PLS1: variants seen among roughly 807,000 people sequenced by gnomAD.
The protein encoded by PLS1 is plastin 1, also known as plastin-1.
PLS1 carries 32 observed loss-of-function variants against 73.7 expected under a neutral mutation model. The observed-to-expected ratio is 0.43, with a 90% CI of 0.33 to 0.58. PLS1 has a LOEUF of 0.58. Ranked by LOEUF, PLS1 falls within the 20% of genes least tolerant of loss-of-function variation. The probability of loss-of-function intolerance (pLI) is 0.04; values close to 1 mark genes in which losing one functional copy is unlikely to be tolerated. For synonymous variants in PLS1, 217 were observed against 261.3 expected, an observed-to-expected ratio of 0.83 and a Z score of 1.63; for missense variants, 633 against 740.5, an observed-to-expected ratio of 0.85 and a Z score of 1.68.
At chr3:142,643,859 C>T (rs562063262) in intron 1 of PLS1, among the ~76,000 whole-genome samples, 135 of 115,712 alleles carry the variant, frequency 1.2e-3, no homozygotes, top group African/African-American at 3.7e-3. Flanking sequence ...AATGGAGTTT[C>T]GCTCTTGTCA....
At chr3:142,637,162 A>G (rs1026556628) in intron 1 of PLS1, among the ~76,000 whole-genome samples, 3 of 152,204 alleles carry the variant, frequency 2.0e-5, no homozygotes, top group Non-Finnish European at 2.9e-5. Context: ...GAACAACCTA[A>G]GTGTCTTCAT....
chr3:142,599,321 TTC>T (rs1451813500), intron 1 of PLS1, among the ~76,000 whole-genome samples: 3 of 61,804 alleles, frequency 4.9e-5, no homozygotes, highest in African/African-American at 1.3e-4. Flanking sequence ...GACTCAGATA[TTC>T]TTTTTTTTTT....
chr3:142,680,710 A>T (rs2037834451), intron 6 of PLS1, among the ~76,000 whole-genome samples: 1 of 152,186 alleles, frequency 6.6e-6, no homozygotes, highest in South Asian at 2.1e-4. Flanking sequence ...ATTAATATTT[A>T]CTGAGTACTT....
chr3:142,641,480 T>C (rs1001919421), intron 1 of PLS1, among the ~76,000 whole-genome samples: 1 of 151,788 alleles, frequency 6.6e-6, no homozygotes, highest in Non-Finnish European at 1.5e-5. Context: ...TGTAATTTTC[T>C]TTTTAAACAT....
chr3:142,649,712 G>T (rs2108634393), intron 1 of PLS1, among the ~76,000 whole-genome samples: 1 of 151,536 alleles, frequency 6.6e-6, no homozygotes, highest in South Asian at 2.1e-4. Flanking sequence ...AGCAGTCATA[G>T]GTCTAGGTCT....
chr3:142,676,801 A>G (rs950972205), intron 5 of PLS1, among the ~76,000 whole-genome samples: 1 of 152,226 alleles, frequency 6.6e-6, no homozygotes, highest in Non-Finnish European at 1.5e-5. Flanking sequence ...CAGTCCCAGC[A>G]TACTTCTTTG....
chr3:142,656,213 T>C (rs146620110), intron 1 of PLS1, among the ~76,000 whole-genome samples: 6,716 of 152,198 alleles, frequency 0.044, 486 homozygotes, highest in African/African-American at 0.15. Flanking sequence ...CTGCCTGCCT[T>C]GGCCTCCCAA....
At chr3:142,678,005 A>C (rs762903207) in intron 5 of PLS1, 27 bp from the exon 6 acceptor site, 2 of 1,191,832 alleles carry the variant, frequency 1.7e-6, no homozygotes, top group Non-Finnish European at 2.4e-6. Flanking sequence ...GGAGTATTAA[A>C]CTAAATTATT....
At chr3:142,608,837 C>T (rs1270551728) in intron 1 of PLS1, among the ~76,000 whole-genome samples, 1 of 152,132 alleles carries the variant, frequency 6.6e-6, no homozygotes, top group Non-Finnish European at 1.5e-5. Flanking sequence ...TAATTCCTGC[C>T]ACATGTCTTC....
intron 1 of PLS1, among the ~76,000 whole-genome samples, chr3:142,630,288 G>A (rs2036526411): frequency 6.6e-6 from 1 of 151,790 alleles, no homozygotes; most frequent in African/African-American, 2.4e-5. Flanking sequence ...GGGCGTGGTG[G>A]CAGGTGCCTG....
chr3:142,689,557 T>C, intron 9 of PLS1, 61 bp from the exon 10 acceptor site: 4 of 933,800 alleles, frequency 4.3e-6, no homozygotes, highest in Non-Finnish European at 6.3e-6. Context: ...TAAACATGTA[T>C]ACCAATAAAA....
chr3:142,613,055 C>T (rs996943926), intron 1 of PLS1, among the ~76,000 whole-genome samples: 3 of 152,152 alleles, frequency 2.0e-5, no homozygotes, highest in African/African-American at 7.2e-5. Context: ...CGTGAGCCAC[C>T]GTGCCCGGCC....
chr3:142,632,031 A>G (rs1246900836), intron 1 of PLS1, among the ~76,000 whole-genome samples: 1 of 152,160 alleles, frequency 6.6e-6, no homozygotes, highest in Non-Finnish European at 1.5e-5. Flanking sequence ...ACTAAAAACA[A>G]CCTAATTAAA....
chr3:142,708,308 G>A (rs538733983), intron 14 of PLS1, among the ~76,000 whole-genome samples: 1 of 152,162 alleles, frequency 6.6e-6, no homozygotes, highest in South Asian at 2.1e-4. Flanking sequence ...GTGCAGTGGC[G>A]CGATCTCAGC....
At chr3:142,624,111 C>T (rs1577789448) in intron 1 of PLS1, among the ~76,000 whole-genome samples, 2 of 152,174 alleles carry the variant, frequency 1.3e-5, no homozygotes, top group East Asian at 1.9e-4. Flanking sequence ...AGAATATCTC[C>T]AGTACTAGGA....
rs560610365 is a variant in PLS1, at chr3:142,643,034, G to T, written c.-36-21168G>T. ...TTTTGTTATTTGCTGTCTTCCTATT[G>T]CCTCCCAAAAGAGTTGGATCTTTAG... is the stretch of plus-strand genomic sequence containing the variant. On this transcript the variant is annotated intron_variant, in intron 1 of 15. Transcript: ENST00000457734. Among the ~76,000 whole-genome samples, 23 of 152,268 alleles carry T rather than the reference G, an allele frequency of 1.5e-4. No individual in the cohort carries two copies. The South Asian group carries it at 4.8e-3, about 32-fold the overall frequency.
chr3:142,710,336 A>G (rs1246979497), intron 14 of PLS1, among the ~76,000 whole-genome samples: 1 of 152,102 alleles, frequency 6.6e-6, no homozygotes, highest in East Asian at 1.9e-4. Flanking sequence ...CATAGGCCCA[A>G]ATTAAATTAC....
intron 10 of PLS1, among the ~76,000 whole-genome samples, chr3:142,690,244 C>T (rs2107911431): frequency 1.3e-5 from 2 of 152,046 alleles, no homozygotes; most frequent in East Asian, 3.9e-4. Flanking sequence ...TTTGTGTGGT[C>T]TATCGTTATC....
rs984063945 is a variant in PLS1, at chr3:142,694,383, C to T, written c.1178-86C>T. 11 of 697,892 alleles carry T rather than the reference C, an allele frequency of 1.6e-5. No homozygotes were observed. In the Admixed American group the frequency reaches 2.1e-4, roughly 13 times the overall value. The allele number at this position is 697,892 out of a possible 1,614,324, so 43.2% of individuals were successfully genotyped here. A position where few individuals can be genotyped will look rare whatever the true frequency, so the allele number is the denominator to read the frequency against. ...AGAACCATGGCAAGGTAGGTTTGAC[C>T]AGTTTGTACCTGCTAGAATGGTTTA... On this transcript the variant is annotated intron_variant, in intron 10 of 15. Coordinates refer to ENST00000457734, the MANE Select transcript of PLS1 (RefSeq NM_001145319.2).
Sources: allele counts gnomAD v4.1 joint callset (sites outside exome capture counted in the v4.1 genomes callset), GRCh38; gene constraint gnomAD v4.1.1; transcripts MANE v1.5; gene names NCBI Gene and HGNC (gene_info 2026-07-23, HGNC 2026-07-21).